Variants in ZFYVE28 observed in about 807,000 individuals in gnomAD.
ZFYVE28 encodes the protein lateral signaling target protein 2 homolog.
ZFYVE28 carries 40 observed loss-of-function variants against 82.1 expected under a neutral mutation model. The ratio of observed to expected loss-of-function variants is 0.49; its 90% CI spans 0.38 to 0.63. ZFYVE28 has a LOEUF of 0.63. ZFYVE28 is among the 30% of genes least tolerant of loss of function. The probability of loss-of-function intolerance (pLI) is 0.00; values close to 1 mark genes in which losing one functional copy is unlikely to be tolerated. For missense variants in ZFYVE28, 1,321 were observed against 1,242.1 expected, an observed-to-expected ratio of 1.06 and a Z score of -0.96; for synonymous variants, 612 against 546.1, an observed-to-expected ratio of 1.12 and a Z score of -1.68.
At chr4:2,330,840 G>T in intron 6 of ZFYVE28, 1 of 1,535,198 alleles carries the variant, frequency 6.5e-7, no homozygotes, top group Non-Finnish European at 8.7e-7. Context: ...CAGCGGGTGC[G>T]TGGGGACTGG....
chr4:2,366,558 AGCCT>A (rs1307834904), intron 1 of ZFYVE28, among the ~76,000 whole-genome samples: 4 of 152,262 alleles, frequency 2.6e-5, no homozygotes, highest in African/African-American at 9.6e-5. Flanking sequence ...AAGAGCTGGC[AGCCT>A]TCCCCACAGC....
At chr4:2,363,223 T>A (rs1391937828) in intron 1 of ZFYVE28, among the ~76,000 whole-genome samples, 3 of 152,114 alleles carry the variant, frequency 2.0e-5, no homozygotes, top group African/African-American at 7.2e-5. Context: ...GGGAGTGGCA[T>A]AGCTCAGATA....
chr4:2,311,570 A>G (rs1479377569), intron 7 of ZFYVE28, among the ~76,000 whole-genome samples: 2 of 152,076 alleles, frequency 1.3e-5, no homozygotes. Context: ...TTCCCCTACT[A>G]TACATTTGTT....
intron 8 of ZFYVE28, among the ~76,000 whole-genome samples, chr4:2,282,786 C>A (rs1332648436): frequency 6.6e-6 from 1 of 152,130 alleles, no homozygotes; most frequent in East Asian, 1.9e-4. Context: ...ACTCTTGAAA[C>A]CATTTGCAAA....
At chr4:2,350,850 C>T (rs954891176) in intron 2 of ZFYVE28, among the ~76,000 whole-genome samples, 1 of 152,238 alleles carries the variant, frequency 6.6e-6, no homozygotes, top group Non-Finnish European at 1.5e-5. Context: ...AGGAGAAGGG[C>T]ACACCCCAAC....
At position 2,304,626 on chromosome 4, in the gene ZFYVE28, C is replaced by A. The variant is rs765213994; in HGVS notation, c.1714G>T (p.Asp572Tyr). The change falls in exon 8 of 13, where the codon GAC becomes TAC. Residue 572 changes from aspartate (D) to tyrosine (Y), a missense_variant. This residue lies in a region of ZFYVE28 where 978 missense variants were observed against 833.7 expected (regional missense o/e 1.17). Transcript: ENST00000290974. ...HSCVCCGSCG[D>Y]SREDVVERLR... ...CGCTCCACCACGTCCTCCCTGCTGTCCCCGCAGCTCCCACAGCACACGCAG... is the reference window on the plus strand; with the variant it reads ...CGCTCCACCACGTCCTCCCTGCTGTACCCGCAGCTCCCACAGCACACGCAG... 6.2e-7 allele frequency: 1 copy of A among 1,612,380 alleles called. No homozygotes were observed. The highest frequency in any genetic ancestry group is 8.5e-7 in the Non-Finnish European group (1 of 1,179,848).
At chr4:2,303,809 G>A (rs1444434879) in intron 8 of ZFYVE28, among the ~76,000 whole-genome samples, 5 of 152,232 alleles carry the variant, frequency 3.3e-5, no homozygotes, top group African/African-American at 1.2e-4. Flanking sequence ...CCACGGGTCT[G>A]CGTCTCGTTT....
chr4:2,334,405 T>A (rs12508296), intron 6 of ZFYVE28, among the ~76,000 whole-genome samples: 63,564 of 151,488 alleles, frequency 0.42, 13,467 homozygotes, highest in Admixed American at 0.47. Context: ...AGCACTTCTG[T>A]CCCCTGCAGG....
chr4:2,304,191 G>A (rs1716109840), intron 8 of ZFYVE28, 98 bp downstream of exon 8: 3 of 1,443,980 alleles, frequency 2.1e-6, no homozygotes, highest in Admixed American at 4.6e-5. Context: ...GGCCAAGATG[G>A]CTCAGGTAGA....
chr4:2,404,330 G>C (rs1393217659), intron 1 of ZFYVE28, among the ~76,000 whole-genome samples: 6 of 9,852 alleles, frequency 6.1e-4, no homozygotes, highest in South Asian at 2.2e-3. Flanking sequence ...AAAAAAAAAC[G>C]CTGAAGATGG....
In ZFYVE28 at chr4:2,416,970, T is replaced by C. The variant is rs921423554; in HGVS notation, c.39+1315A>G. Among the ~76,000 whole-genome samples the C allele has an allele frequency of 5.9e-5, 9 of 152,196 alleles. No homozygotes were observed. Among genetic ancestry groups the C allele is most frequent in the Admixed American group, 5.2e-4 (8 of 15,290 alleles). ...GTGAGCCCTCAAACCTCCGTGCCGA[T>C]CTTCCAAACCCACCTCCCGCCTTCC... is the stretch of plus-strand genomic sequence containing the variant. On this transcript the variant is annotated intron_variant, in intron 1 of 12. Coordinates refer to ENST00000290974, the MANE Select transcript of ZFYVE28 (RefSeq NM_020972.3). The surrounding 1 kb of genome is among the most constrained non-coding windows in gnomAD (Gnocchi z 4.6).
chr4:2,374,458 C>A (rs1727898088), intron 1 of ZFYVE28, among the ~76,000 whole-genome samples: 1 of 151,864 alleles, frequency 6.6e-6, no homozygotes, highest in South Asian at 2.1e-4. Flanking sequence ...TAAAAAAAAA[C>A]AAAAATTAGC....
intron 1 of ZFYVE28, among the ~76,000 whole-genome samples, chr4:2,367,157 G>A (rs1215192419): frequency 6.6e-6 from 1 of 152,220 alleles, no homozygotes; most frequent in Non-Finnish European, 1.5e-5. Context: ...GAGCGCTCCA[G>A]AGGGAAGGGT....
chr4:2,349,894 C>T (rs926628655), intron 2 of ZFYVE28, among the ~76,000 whole-genome samples: 7 of 152,224 alleles, frequency 4.6e-5, no homozygotes, highest in Admixed American at 2.6e-4. Context: ...AGGGTAGCTA[C>T]GAAAATCCTA....
intron 1 of ZFYVE28, among the ~76,000 whole-genome samples, chr4:2,384,758 T>A (rs1220104504): frequency 3.3e-5 from 5 of 152,204 alleles, no homozygotes. Flanking sequence ...AAATCTTTAT[T>A]TAATTCAGCA....
At chr4:2,329,182 G>T (rs1184066932) in intron 6 of ZFYVE28, 2 of 689,410 alleles carry the variant, frequency 2.9e-6, no homozygotes, top group Admixed American at 2.0e-5. Flanking sequence ...GACAGCAATT[G>T]CACAGAATCT....
intron 1 of ZFYVE28, among the ~76,000 whole-genome samples, chr4:2,382,282 G>A (rs771808003): frequency 1.3e-5 from 2 of 152,208 alleles, no homozygotes; most frequent in South Asian, 2.1e-4. Context: ...GAGGGCCACC[G>A]TCCTTCAGAC....
intron 8 of ZFYVE28, among the ~76,000 whole-genome samples, chr4:2,284,126 G>A (rs913789007): frequency 6.6e-6 from 1 of 152,216 alleles, no homozygotes; most frequent in Non-Finnish European, 1.5e-5. Flanking sequence ...GACATCAATC[G>A]ACAGCTCAGG....
chr4:2,363,413 C>A (rs181839456), intron 1 of ZFYVE28, among the ~76,000 whole-genome samples: 3 of 152,116 alleles, frequency 2.0e-5, no homozygotes, highest in African/African-American at 7.2e-5. Flanking sequence ...AGGGAGGAAC[C>A]GCCTGGGCTT....
Sources: allele counts gnomAD v4.1 joint callset (sites outside exome capture counted in the v4.1 genomes callset), GRCh38; gene constraint gnomAD v4.1.1; regional missense constraint gnomAD v4.1.1; non-coding constraint Gnocchi (gnomAD v3.1); transcripts MANE v1.5; gene names NCBI Gene and HGNC (gene_info 2026-07-23, HGNC 2026-07-21).